SH3BP5: variants seen among roughly 807,000 people sequenced by gnomAD.
SH3BP5 encodes the protein SH3 domain binding protein 5.
In SH3BP5, 22 loss-of-function variants were observed where a neutral mutation model predicts 43.3. The ratio of observed to expected loss-of-function variants is 0.51; its 90% CI spans 0.36 to 0.73. The LOEUF (loss-of-function observed/expected upper bound fraction) is 0.73, where lower values mean the gene tolerates loss of function less well. SH3BP5 is among the 30% of genes least tolerant of loss of function. The pLI is 0.00. For missense variants in SH3BP5, 529 were observed against 586.9 expected (o/e 0.90, Z 1.02); for synonymous variants, 255 against 225.8 (o/e 1.13, Z -1.16).
rs7630039 is a variant in SH3BP5, at chr3:15,296,860, C to T, written c.330+7243G>A. On this transcript the variant is annotated intron_variant, in intron 3 of 8. Transcript: ENST00000383791. The stretch of plus-strand genomic sequence containing the variant: ...AAGCAAGCACCACCATGTCTGGCTT[C>T]TTAAAAAAAAAAAAAAAAAAGAAAT... Among the ~76,000 whole-genome samples, 1,017 of 135,324 alleles carry T rather than the reference C, an allele frequency of 7.5e-3. 19 individuals carry two copies. The highest frequency in any genetic ancestry group is 0.028 in the African/African-American group (973 of 35,102). 88.8% of individuals were successfully genotyped at this position (135,324 alleles called of 152,430 possible). A position where few individuals can be genotyped will look rare whatever the true frequency, so the allele number is the denominator to read the frequency against.
intron 7 of SH3BP5, chr3:15,258,208 A>G (rs545766599): frequency 2.6e-5 from 4 of 152,372 alleles, no homozygotes; most frequent in African/African-American, 9.6e-5. Flanking sequence ...GGAAGTATGC[A>G]AAGACAGCGT....
chr3:15,291,291 C>G (rs373657751), intron 3 of SH3BP5, among the ~76,000 whole-genome samples: 1 of 152,190 alleles, frequency 6.6e-6, no homozygotes, highest in Admixed American at 6.5e-5. Flanking sequence ...TCCTCCACAG[C>G]TCCACATGCT....
At chr3:15,261,563 T>C (rs1399380911) in intron 5 of SH3BP5, among the ~76,000 whole-genome samples, 1 of 152,110 alleles carries the variant, frequency 6.6e-6, no homozygotes, top group East Asian at 1.9e-4. Context: ...TCATAAGTCC[T>C]CCTCCTTTTG....
At chr3:15,296,765 C>T (rs1438256505) in intron 3 of SH3BP5, among the ~76,000 whole-genome samples, 1 of 142,846 alleles carries the variant, frequency 7.0e-6, no homozygotes, top group Non-Finnish European at 1.5e-5. Flanking sequence ...GCGATCACAG[C>T]TCCACGCAGC....
intron 1 of SH3BP5, chr3:15,339,653 T>G (rs1296877431): frequency 6.6e-6 from 1 of 152,114 alleles, no homozygotes; most frequent in Non-Finnish European, 1.5e-5. Flanking sequence ...GAGGTTGCAG[T>G]GAGCCAAGAC....
intron 3 of SH3BP5, chr3:15,275,731 G>C (rs1208456494): frequency 6.6e-6 from 1 of 152,088 alleles, no homozygotes; most frequent in Non-Finnish European, 1.5e-5. Flanking sequence ...ATTTTAAAAG[G>C]CAGCTTATGG....
chr3:15,259,615 A>C (rs1696356771), intron 6 of SH3BP5, 146 bp downstream of exon 6: 2 of 825,702 alleles, frequency 2.4e-6, no homozygotes, highest in Non-Finnish European at 4.3e-6. Flanking sequence ...AACCGAGACA[A>C]TTTTGAGGTC....
chr3:15,265,597 A>G (rs922465909), intron 4 of SH3BP5, among the ~76,000 whole-genome samples: 44 of 146,522 alleles, frequency 3.0e-4, no homozygotes, highest in African/African-American at 1.1e-3. Context: ...CACACAACTC[A>G]GCTTCCTGCC....
chr3:15,263,681 C>T (rs749618667), intron 4 of SH3BP5, among the ~76,000 whole-genome samples: 4 of 152,146 alleles, frequency 2.6e-5, no homozygotes, highest in Admixed American at 6.5e-5. Flanking sequence ...AGCTCACAGG[C>T]CCAGTCCCAG....
Position 15,308,032 on chromosome 3 carries a change from T to A in SH3BP5, c.202-3801A>T, listed in dbSNP as rs537663282. ...AAAATGAATTCTCAAACTTTTCATT[T>A]AAAGAAAAAAAATAGCTAGAAGCAG... On this transcript the variant is annotated intron_variant, in intron 2 of 8. Coordinates refer to ENST00000383791, the MANE Select transcript of SH3BP5 (RefSeq NM_004844.5). Among the ~76,000 whole-genome samples, 106 of 152,196 alleles carry A rather than the reference T, an allele frequency of 7.0e-4. 1 individual carries two copies. The South Asian group carries it at 0.022, about 31-fold the overall frequency.
In SH3BP5 at chr3:15,255,299, A is replaced by G. The variant is rs979694278; in HGVS notation, c.*787T>C. 2.6e-5 allele frequency: 4 copies of G among 152,616 alleles called. No individual in the cohort carries two copies. Among genetic ancestry groups the G allele is most frequent in the Admixed American group, 6.5e-5 (1 of 15,276 alleles). The allele number at this position is 152,616 out of a possible 1,614,324, so 9.5% of individuals were successfully genotyped here. On this transcript the variant is annotated 3_prime_UTR_variant, in exon 9 of 9. Coordinates refer to ENST00000383791, the MANE Select transcript of SH3BP5 (RefSeq NM_004844.5). ...TGTCAATCTAATAACAGTGGCAACCATTCTTCACATGCACTTCTCTTAGAA... is the reference window on the plus strand; with the variant it reads ...TGTCAATCTAATAACAGTGGCAACCGTTCTTCACATGCACTTCTCTTAGAA...
chr3:15,337,319 C>T (rs1006691230), upstream of SH3BP5, among the ~76,000 whole-genome samples: 3 of 151,940 alleles, frequency 2.0e-5, no homozygotes, highest in African/African-American at 7.3e-5. Flanking sequence ...TCCTGATCCA[C>T]CCACCTCAGC....
At chr3:15,338,444 C>T (rs1030624226) in intron 1 of SH3BP5, among the ~76,000 whole-genome samples, 19 of 152,242 alleles carry the variant, frequency 1.2e-4, no homozygotes, top group Admixed American at 6.5e-4. Context: ...ATTCACATCA[C>T]ACTCTGGTGT....
upstream of SH3BP5, among the ~76,000 whole-genome samples, chr3:15,334,433 T>C (rs1412893850): frequency 6.6e-6 from 1 of 152,050 alleles, no homozygotes; most frequent in African/African-American, 2.4e-5. Flanking sequence ...AAAATGCATA[T>C]TTAAAAATAC....
chr3:15,273,308 G>C (rs1440094561), intron 3 of SH3BP5: 1 of 985,246 alleles, frequency 1.0e-6, no homozygotes, highest in Non-Finnish European at 1.2e-6. Context: ...ATGCTCTTTT[G>C]ACGGCCTTCT....
chr3:15,265,354 A>T (rs1696595371), intron 4 of SH3BP5, among the ~76,000 whole-genome samples: 1 of 152,204 alleles, frequency 6.6e-6, no homozygotes, highest in Non-Finnish European at 1.5e-5. Context: ...CGTCTCTACT[A>T]AAAATACAAA....
At chr3:15,273,458 G>T in intron 3 of SH3BP5, 1 of 950,516 alleles carries the variant, frequency 1.1e-6, no homozygotes, top group Non-Finnish European at 1.3e-6. Context: ...AAGAACATGT[G>T]CTGTCAAATT....
intron 2 of SH3BP5, among the ~76,000 whole-genome samples, chr3:15,315,975 C>T (rs1490552673): frequency 6.6e-6 from 1 of 152,148 alleles, no homozygotes; most frequent in Non-Finnish European, 1.5e-5. Flanking sequence ...AGAAAATTAA[C>T]ATTGGTACAA....
In SH3BP5 at chr3:15,274,742, C is replaced by T. The variant is rs181976876; in HGVS notation, c.331-4865G>A. Among the ~76,000 whole-genome samples the T allele has an allele frequency of 6.6e-5, 10 of 152,308 alleles. No homozygotes were observed. The East Asian group carries it at 1.5e-3, about 23-fold the overall frequency. ...TGTATTTTTAGTAGAGACAGGGTTTCGCCATGTTGGCCAAGCCGGTCTCAA... is the reference window on the plus strand; with the variant it reads ...TGTATTTTTAGTAGAGACAGGGTTTTGCCATGTTGGCCAAGCCGGTCTCAA... On this transcript the variant is annotated intron_variant, in intron 3 of 8. Coordinates refer to ENST00000383791, the MANE Select transcript of SH3BP5 (RefSeq NM_004844.5).
Sources: gnomAD v4.1 joint callset for allele counts (sites outside exome capture counted in the v4.1 genomes callset) on GRCh38, gnomAD v4.1.1 for gene constraint, MANE v1.5 for transcripts, NCBI Gene and HGNC (gene_info 2026-07-23, HGNC 2026-07-21) for gene names.